ANKFN1: variants seen among roughly 807,000 people sequenced by gnomAD.
ANKFN1 encodes ankyrin repeat and fibronectin type-III domain-containing protein 1.
In ANKFN1, 74 loss-of-function variants were observed where a neutral mutation model predicts 108.7. The ratio of observed to expected loss-of-function variants is 0.68; its 90% CI spans 0.56 to 0.83. ANKFN1 has a LOEUF of 0.83. Among genes scored for constraint, ANKFN1 ranks in the 40% least tolerant of loss-of-function variants. The pLI is 0.00. For missense variants in ANKFN1, 1,505 were observed against 1,382.3 expected (o/e 1.09, Z -1.41); for synonymous variants, 547 against 516.2 (o/e 1.06, Z -0.81).
intron 4 of ANKFN1, among the ~76,000 whole-genome samples, chr17:56,142,368 T>C (rs969651091): frequency 2.0e-5 from 3 of 152,196 alleles, no homozygotes; most frequent in Non-Finnish European, 4.4e-5. Context: ...TCCACACTTA[T>C]GTCAAGAGTA....
intron 1 of ANKFN1, among the ~76,000 whole-genome samples, chr17:56,174,562 G>T (rs1373756520): frequency 6.6e-6 from 1 of 152,142 alleles, no homozygotes; most frequent in Non-Finnish European, 1.5e-5. Flanking sequence ...GTGATTCATG[G>T]TTGTTTTCTG....
chr17:56,460,226 G>A (rs998297164), intron 14 of ANKFN1, among the ~76,000 whole-genome samples: 1 of 152,098 alleles, frequency 6.6e-6, no homozygotes, highest in Non-Finnish European at 1.5e-5. Flanking sequence ...GAGGCTGGCA[G>A]GTGGATCACT....
chr17:56,148,597 T>G (rs1222114764), upstream of ANKFN1, among the ~76,000 whole-genome samples: 1 of 152,090 alleles, frequency 6.6e-6, no homozygotes, highest in Non-Finnish European at 1.5e-5. Flanking sequence ...CTATCTGTGT[T>G]GGAGGAGAAC....
chr17:56,320,082 T>C (rs2045319709), intron 3 of ANKFN1, among the ~76,000 whole-genome samples: 1 of 152,188 alleles, frequency 6.6e-6, no homozygotes, highest in African/African-American at 2.4e-5. Flanking sequence ...TCCTCATCGA[T>C]AAAAAGTGGG....
At chr17:56,172,319 C>T (rs1910758432) in intron 1 of ANKFN1, among the ~76,000 whole-genome samples, 1 of 152,072 alleles carries the variant, frequency 6.6e-6, no homozygotes, top group Admixed American at 6.6e-5. Flanking sequence ...TATGTCTACT[C>T]CTCTTTCCCT....
intron 4 of ANKFN1, among the ~76,000 whole-genome samples, chr17:56,124,220 C>T (rs1025139264): frequency 6.6e-6 from 1 of 152,156 alleles, no homozygotes; most frequent in African/African-American, 2.4e-5. Flanking sequence ...ACTCTAAATT[C>T]TACATAATTT....
intron 3 of ANKFN1, among the ~76,000 whole-genome samples, chr17:56,293,903 G>C (rs1452663061): frequency 6.6e-6 from 1 of 152,140 alleles, no homozygotes; most frequent in Admixed American, 6.5e-5. Flanking sequence ...GAACAGATCT[G>C]GAATGCAGGC....
At chr17:56,430,004 G>A (rs905832135) in intron 8 of ANKFN1, among the ~76,000 whole-genome samples, 9 of 152,198 alleles carry the variant, frequency 5.9e-5, no homozygotes, top group Non-Finnish European at 1.3e-4. Context: ...AGAATGACCT[G>A]AAGTTGATGG....
intron 8 of ANKFN1, among the ~76,000 whole-genome samples, chr17:56,429,268 G>A (rs777935606): frequency 4.6e-5 from 7 of 152,220 alleles, no homozygotes; most frequent in South Asian, 2.1e-4. Context: ...GAAACTGAAA[G>A]GGCAGATGAA....
intron 8 of ANKFN1, among the ~76,000 whole-genome samples, chr17:56,435,613 G>A (rs1015897807): frequency 2.0e-5 from 3 of 152,174 alleles, no homozygotes; most frequent in Admixed American, 2.0e-4. Flanking sequence ...GGATTTGGGT[G>A]ATGTTTGGTT....
rs1598378852 is a variant in ANKFN1, at chr17:56,303,000, G to A, written c.54-23221G>A. Among the ~76,000 whole-genome samples the A allele has an allele frequency of 2.6e-5, 4 of 152,302 alleles. No homozygotes were observed. The South Asian group carries it at 8.3e-4, about 32-fold the overall frequency. On this transcript the variant is annotated intron_variant, in intron 3 of 20. Coordinates refer to ENST00000682825, the MANE Select transcript of ANKFN1 (RefSeq NM_001370326.1). ...GTATGCTGCCTGTTTATATGTTATTGCACATTTAGTGATGGATAATTATAG... is the reference window on the plus strand; with the variant it reads ...GTATGCTGCCTGTTTATATGTTATTACACATTTAGTGATGGATAATTATAG...
chr17:56,496,272 G>T (rs550607825), intron 19 of ANKFN1, among the ~76,000 whole-genome samples: 3 of 151,958 alleles, frequency 2.0e-5, no homozygotes, highest in Non-Finnish European at 4.4e-5. Context: ...AAATTTCTAC[G>T]CTAAATCCCT....
intron 1 of ANKFN1, among the ~76,000 whole-genome samples, chr17:56,209,845 A>G (rs972349726): frequency 3.3e-5 from 5 of 152,078 alleles, no homozygotes; most frequent in African/African-American, 7.2e-5. Context: ...TGAGTGCCCA[A>G]AGTCCATTGT....
chr17:56,238,396 T>C (rs9898389), intron 3 of ANKFN1, among the ~76,000 whole-genome samples: 6,138 of 152,204 alleles, frequency 0.04, 155 homozygotes, highest in African/African-American at 0.066. Flanking sequence ...CCCACTATTA[T>C]TGTGTGCGAA....
chr17:56,079,551 A>G (rs1207830188), intron 4 of ANKFN1, among the ~76,000 whole-genome samples: 1 of 152,232 alleles, frequency 6.6e-6, no homozygotes, highest in Non-Finnish European at 1.5e-5. Context: ...CAGAAAGAAG[A>G]GGAGAGGAAA....
chr17:56,105,243 A>G (rs969468394), intron 4 of ANKFN1, among the ~76,000 whole-genome samples: 1 of 152,048 alleles, frequency 6.6e-6, no homozygotes, highest in African/African-American at 2.4e-5. Context: ...ATGGATTTGG[A>G]GGGATTGATG....
At chr17:56,159,066 A>C (rs1036069618) in intron 1 of ANKFN1, among the ~76,000 whole-genome samples, 1 of 150,798 alleles carries the variant, frequency 6.6e-6, no homozygotes, top group African/African-American at 2.4e-5. Flanking sequence ...GCAGAAGAAG[A>C]AGAAAGAAGA....
chr17:56,047,733 G>A (rs1904704372), intron 4 of ANKFN1, among the ~76,000 whole-genome samples: 1 of 152,142 alleles, frequency 6.6e-6, no homozygotes, highest in African/African-American at 2.4e-5. Context: ...GTGATAAGTA[G>A]CAAGAGGGCT....
intron 3 of ANKFN1, among the ~76,000 whole-genome samples, chr17:56,280,406 G>T (rs1332156343): frequency 6.6e-6 from 1 of 152,080 alleles, no homozygotes; most frequent in African/African-American, 2.4e-5. Context: ...TCTAACATCA[G>T]AGTTGCTGGT....
Sources: gnomAD v4.1 joint callset for allele counts (sites outside exome capture counted in the v4.1 genomes callset) on GRCh38, gnomAD v4.1.1 for gene constraint, MANE v1.5 for transcripts, NCBI Gene and HGNC (gene_info 2026-07-23, HGNC 2026-07-21) for gene names.